Variants in CYTH2 observed in about 807,000 individuals in gnomAD.
CYTH2 encodes cytohesin-2.
Under a neutral mutation model 55.4 loss-of-function variants are expected in CYTH2, and 24 were observed. That is an observed-to-expected ratio of 0.43 (90% CI 0.31 to 0.61). The LOEUF (loss-of-function observed/expected upper bound fraction) is 0.61. CYTH2 is among the 20% of genes least tolerant of loss of function. The pLI, the probability that CYTH2 is intolerant of heterozygous loss-of-function variation, is 0.08. For missense variants in CYTH2, 378 were observed against 533.5 expected (o/e 0.71, Z 2.87); for synonymous variants, 221 against 209.6 (o/e 1.05, Z -0.47).
chr19:48,475,233 GGCA>G, intron 8 of CYTH2: 6 of 408,918 alleles, frequency 1.5e-5, no homozygotes, highest in Non-Finnish European at 2.6e-5. Context: ...GGCAGTGAGA[GGCA>G]GCTGACATTG....
At chr19:48,473,674 C>A in intron 5 of CYTH2, 2 of 595,920 alleles carry the variant, frequency 3.4e-6, no homozygotes, top group Admixed American at 3.0e-5. Context: ...CCTCAACCAA[C>A]CCCCAGACCT....
chr19:48,476,874 C>CA, intron 8 of CYTH2: 1 of 152,206 alleles, frequency 6.6e-6, no homozygotes, highest in Non-Finnish European at 1.5e-5. Flanking sequence ...GAGACAGTCT[C>CA]AAAAAAACAA....
At position 48,478,517 on chromosome 19, in the gene CYTH2, T is replaced by C. The variant is rs1220774178; in HGVS notation, c.1037T>C (p.Val346Ala). 1.2e-6 allele frequency: 2 copies of C among 1,613,976 alleles called. No homozygotes were observed. Among genetic ancestry groups the C allele is most frequent in the Admixed American group, 1.7e-5 (1 of 60,002 alleles). The part of the protein sequence containing the change: ...ACKTEADGRV[V>A]EGNHMVYRIS... ...AAAACTGAGGCGGACGGCCGAGTGGTGGAGGGAAACCACATGGTGTACCGG... is the reference window on the plus strand; with the variant it reads ...AAAACTGAGGCGGACGGCCGAGTGGCGGAGGGAAACCACATGGTGTACCGG... Residue 346 changes from valine to alanine, a missense_variant, in exon 11 of 12, where the codon GTG (valine) becomes GCG (alanine). Coordinates refer to ENST00000452733, the MANE Select transcript of CYTH2 (RefSeq NM_004228.7).
chr19:48,472,509 C>G lies in CYTH2; in HGVS notation c.353+66C>G, dbSNP rs919023527. ...ACCCCCCAGACCCAGCTCCTGCCCT[C>G]ACACTGGCAGCTCACAGGTGGAACA... On this transcript the variant is annotated intron_variant, in intron 4 of 11. Coordinates refer to ENST00000452733, the MANE Select transcript of CYTH2 (RefSeq NM_004228.7). 4.6e-6 allele frequency: 6 copies of G among 1,316,860 alleles called. No individual in the cohort carries two copies. In the Admixed American group the frequency reaches 5.9e-5, roughly 13 times the overall value. 81.6% of individuals were successfully genotyped at this position (1,316,860 alleles called of 1,614,324 possible). A position where few individuals can be genotyped will look rare whatever the true frequency, so the allele number is the denominator to read the frequency against.
intron 4 of CYTH2, chr19:48,472,753 GGT>G (rs1601021846): frequency 2.4e-6 from 1 of 415,076 alleles, no homozygotes; most frequent in East Asian, 5.5e-5. Flanking sequence ...GAGAACCGTG[GGT>G]AGACCATGGC....
At position 48,473,739 on chromosome 19, in the gene CYTH2, G is replaced by A. The variant is rs552731120; in HGVS notation, c.435-166G>A. ...TTCTGTAGGGATTCACAACACTCCC[G>A]TGGCCAATGCCCATTGGTGAGACTG... On this transcript the variant is annotated intron_variant, in intron 5 of 11. Coordinates refer to ENST00000452733, the MANE Select transcript of CYTH2 (RefSeq NM_004228.7). 115 of 623,232 alleles carry A rather than the reference G, an allele frequency of 1.8e-4. 1 individual carries two copies. Among genetic ancestry groups the A allele is most frequent in the South Asian group, 7.0e-4 (35 of 49,664 alleles). The allele number at this position is 623,232 out of a possible 1,614,324, so 38.6% of individuals were successfully genotyped here.
In CYTH2 at chr19:48,474,724, C is replaced by A; in HGVS notation, c.697-114C>A. The A allele has an allele frequency of 1.2e-6, 1 of 852,644 alleles. No individual in the cohort carries two copies. The highest frequency in any genetic ancestry group is 2.5e-5 in the East Asian group (1 of 39,394). 52.8% of individuals were successfully genotyped at this position (852,644 alleles called of 1,614,324 possible). ...TCACTTCCCTCTCCTCCCCACTACC[C>A]CTCTCTCTTCCCCACTATGAGTCAT... On this transcript the variant is annotated intron_variant, in intron 7 of 11. Coordinates refer to ENST00000452733, the MANE Select transcript of CYTH2 (RefSeq NM_004228.7). The surrounding 1 kb of genome is among the most constrained non-coding windows in gnomAD (Gnocchi z 4.9).
chr19:48,470,715 C>T, intron 3 of CYTH2, 46 bp downstream of exon 3: 1 of 1,611,074 alleles, frequency 6.2e-7, no homozygotes, highest in Non-Finnish European at 8.5e-7. Flanking sequence ...AACATCCAGG[C>T]AGGGGCTTCT....
In CYTH2 at chr19:48,472,384, C is replaced by T; in HGVS notation, c.294C>T (p.Arg98=). ...LLQNTPEEIA[R]FLYKGEGLNK... ...AGAACACACCCGAGGAGATCGCCCG[C>T]TTCCTGTACAAGGGCGAGGGGCTGA... Residue 98 remains arginine, a synonymous_variant, in exon 4 of 12, where the codon CGC becomes CGT. Coordinates refer to ENST00000452733, the MANE Select transcript of CYTH2 (RefSeq NM_004228.7). 5 of 1,614,034 alleles carry T rather than the reference C, an allele frequency of 3.1e-6. No individual in the cohort carries two copies. Among genetic ancestry groups the T allele is most frequent in the Non-Finnish European group, 4.2e-6 (5 of 1,180,036 alleles).
chr19:48,475,026 A>G, intron 8 of CYTH2, 77 bp downstream of exon 8: 1 of 1,308,062 alleles, frequency 7.6e-7, no homozygotes, highest in East Asian at 2.3e-5. Flanking sequence ...CAGCTTCCGC[A>G]CACACCTGCT....
chr19:48,474,966 C>A lies in CYTH2; in HGVS notation c.808+17C>A, dbSNP rs1270193139. On this transcript the variant is annotated intron_variant, in intron 8 of 11. Transcript: ENST00000452733. This position sits in a 1 kb window ranked among gnomAD's most constrained non-coding sequence, Gnocchi z 4.9. ...TGAAGCTGGGTACGTGCCCTCCCGA[C>A]CCCGCTGGTCCCTCCGCAGGAGGAC... is the stretch of plus-strand genomic sequence containing the variant. 1 of 1,608,770 alleles carries A rather than the reference C, an allele frequency of 6.2e-7. No individual in the cohort carries two copies. Among genetic ancestry groups the A allele is most frequent in the Non-Finnish European group, 8.5e-7 (1 of 1,175,922 alleles).
Position 48,470,448 on chromosome 19 carries a change from G to C in CYTH2, c.115G>C (p.Glu39Gln). The C allele has an allele frequency of 6.2e-7, 1 of 1,614,146 alleles. No homozygotes were observed. ...LLVEIQRLRE[E>Q]LSEAMSEVEG... is the part of the protein sequence containing the mutation. Reference sequence around the variant, plus strand: ...GGTGGAGATTCAGCGCCTGCGGGAGGAGCTCAGTGAAGCCATGAGCGAGGT... The same window carrying C: ...GGTGGAGATTCAGCGCCTGCGGGAGCAGCTCAGTGAAGCCATGAGCGAGGT... The change falls in exon 2 of 12, where the codon GAG (glutamate) becomes CAG (glutamine). Residue 39 changes from glutamate (E) to glutamine (Q), a missense_variant. Coordinates refer to ENST00000452733, the MANE Select transcript of CYTH2 (RefSeq NM_004228.7).
At position 48,480,427 on chromosome 19, in the gene CYTH2, T is replaced by G. The variant is rs1407125093; in HGVS notation, c.*1217T>G. 6.6e-6 allele frequency: 1 copy of G among 152,220 alleles called. No individual in the cohort carries two copies. The highest frequency in any genetic ancestry group is 1.5e-5 in the Non-Finnish European group (1 of 68,034). 9.4% of individuals were successfully genotyped at this position (152,220 alleles called of 1,614,324 possible). ...ATGCGGCGCTTCGGAATTTCGGGCT[T>G]TGATCCCTGTCCCGCCCTTGGCCAC... On this transcript the variant is annotated 3_prime_UTR_variant, in exon 12 of 12. Transcript: ENST00000452733.
At position 48,474,525 on chromosome 19, in the gene CYTH2, T is replaced by A. The variant is rs1971870190; in HGVS notation, c.696+195T>A. 1.3e-5 allele frequency among the ~76,000 whole-genome samples: 2 copies of A among 152,222 alleles called. No individual in the cohort carries two copies. The highest frequency in any genetic ancestry group is 4.1e-4 in the South Asian group (2 of 4,830). ...GACTGTCTCTCTCAGGCTTTGGCCCTGACAATTTTGGCCTGTCTGTCTTCT... is the reference window on the plus strand; with the variant it reads ...GACTGTCTCTCTCAGGCTTTGGCCCAGACAATTTTGGCCTGTCTGTCTTCT... On this transcript the variant is annotated intron_variant, in intron 7 of 11. Transcript: ENST00000452733. The surrounding 1 kb of genome is among the most constrained non-coding windows in gnomAD (Gnocchi z 4.9).
chr19:48,470,511 G>C lies in CYTH2; in HGVS notation c.167+11G>C. ...GGCCAATGAGGGCAGGTGAGGGCTG[G>C]GGCGGATGACCTAGGGGGCGTGGGG... On this transcript the variant is annotated intron_variant, in intron 2 of 11. Coordinates refer to ENST00000452733, the MANE Select transcript of CYTH2 (RefSeq NM_004228.7). 6.2e-7 allele frequency: 1 copy of C among 1,613,736 alleles called. No homozygotes were observed. Among genetic ancestry groups the C allele is most frequent in the Non-Finnish European group, 8.5e-7 (1 of 1,179,716 alleles).
In CYTH2 at chr19:48,481,505, T is replaced by C; in HGVS notation, c.*2295T>C. 5.4e-6 allele frequency: 1 copy of C among 185,892 alleles called. No homozygotes were observed. The highest frequency in any genetic ancestry group is 8.8e-5 in the South Asian group (1 of 11,426). The allele number at this position is 185,892 out of a possible 1,614,324, so 11.5% of individuals were successfully genotyped here. On this transcript the variant is annotated 3_prime_UTR_variant, in exon 12 of 12. Coordinates refer to ENST00000452733, the MANE Select transcript of CYTH2 (RefSeq NM_004228.7). Reference sequence around the variant, plus strand: ...TTTTTTTGTAGGTTTTTTTTTTTGTTTTTTGTTTTGTTTTGTTTTGTTTTT... The same window carrying C: ...TTTTTTTGTAGGTTTTTTTTTTTGTCTTTTGTTTTGTTTTGTTTTGTTTTT...
At position 48,470,640 on chromosome 19, in the gene CYTH2, A is replaced by C. The variant is rs768545285; in HGVS notation, c.205A>C (p.Arg69=). 1 of 1,614,234 alleles carries C rather than the reference A, an allele frequency of 6.2e-7. No homozygotes were observed. The highest frequency in any genetic ancestry group is 8.5e-7 in the Non-Finnish European group (1 of 1,180,032). Residue 69 remains arginine, a synonymous_variant, in exon 3 of 12, where the codon AGG becomes CGG. Transcript: ENST00000452733. ...ACGGAACCGGAAGATGGCAATGGGC[A>C]GGAAGAAGTTCAACATGGACCCCAA... ...LQRNRKMAMG[R]KKFNMDPKKG...
chr19:48,478,810 G>A (rs561171298), intron 11 of CYTH2, among the ~76,000 whole-genome samples: 300 of 140,128 alleles, frequency 2.1e-3, no homozygotes, highest in South Asian at 8.1e-3. Flanking sequence ...AGGAGGGGCC[G>A]GGGGCCTGGA....
At position 48,470,675 on chromosome 19, in the gene CYTH2, T is replaced by TG. The variant is rs1418419979; in HGVS notation, c.234+10dup. On this transcript the variant is annotated splice_region_variant and intron_variant, in intron 3 of 11. Transcript: ENST00000452733. ...TCAACATGGACCCCAAGAAGGTGCT[T>TG]GGGGCCACAGGACTGGGATCAGCTG... 1.2e-6 allele frequency: 2 copies of TG among 1,614,090 alleles called. No individual in the cohort carries two copies. Among genetic ancestry groups the TG allele is most frequent in the Non-Finnish European group, 8.5e-7 (1 of 1,179,972 alleles).
Sources: gnomAD v4.1 joint callset for allele counts (sites outside exome capture counted in the v4.1 genomes callset) on GRCh38, gnomAD v4.1.1 for gene constraint, Gnocchi (gnomAD v3.1) non-coding constraint, MANE v1.5 for transcripts, NCBI Gene and HGNC (gene_info 2026-07-23, HGNC 2026-07-21) for gene names.